Variants in HCN1 observed in about 807,000 individuals in gnomAD.
HCN1 encodes potassium/sodium hyperpolarization-activated cyclic nucleotide-gated channel 1.
Under a neutral mutation model 78.9 loss-of-function variants are expected in HCN1, and 13 were observed. That is an observed-to-expected ratio of 0.16 (90% CI 0.11 to 0.26). HCN1 has a LOEUF of 0.26. Among genes scored for constraint, HCN1 ranks in the 10% least tolerant of loss-of-function variants. The pLI, the probability that HCN1 is intolerant of heterozygous loss-of-function variation, is 1.00. For missense variants in HCN1, 810 were observed against 1,154.3 expected, an observed-to-expected ratio of 0.70 and a Z score of 4.32; for synonymous variants, 552 against 455.5, an observed-to-expected ratio of 1.21 and a Z score of -2.70.
At chr5:45,278,036 C>A (rs533653279) in intron 6 of HCN1, among the ~76,000 whole-genome samples, 1 of 152,106 alleles carries the variant, frequency 6.6e-6, no homozygotes, top group South Asian at 2.1e-4. Context: ...TTCCTGTGAT[C>A]CCTTACAGTG....
intron 5 of HCN1, among the ~76,000 whole-genome samples, chr5:45,347,485 G>A (rs958188642): frequency 6.6e-6 from 1 of 152,198 alleles, no homozygotes. Flanking sequence ...AACGCAGTTG[G>A]TCACCAGCAA....
chr5:45,661,125 A>C (rs1745927012), intron 1 of HCN1, among the ~76,000 whole-genome samples: 1 of 148,888 alleles, frequency 6.7e-6, no homozygotes. Context: ...CGGTGCAATC[A>C]AACTAGAACT....
chr5:45,412,779 T>C (rs1740048144), intron 3 of HCN1, among the ~76,000 whole-genome samples: 1 of 151,922 alleles, frequency 6.6e-6, no homozygotes, highest in Admixed American at 6.6e-5. Context: ...TGAGCACGGA[T>C]TGACAAAGGA....
chr5:45,659,648 G>A (rs1307971523), intron 1 of HCN1, among the ~76,000 whole-genome samples: 7 of 143,602 alleles, frequency 4.9e-5, no homozygotes, highest in East Asian at 2.1e-4. Flanking sequence ...CGAGAACTAC[G>A]TGAAGAATGC....
intron 6 of HCN1, among the ~76,000 whole-genome samples, chr5:45,291,987 T>C (rs1362625937): frequency 2.0e-5 from 3 of 152,108 alleles, no homozygotes; most frequent in Non-Finnish European, 4.4e-5. Flanking sequence ...CCATGAATGC[T>C]AGAATTTTAT....
intron 2 of HCN1, chr5:45,644,654 T>C (rs1161065910): frequency 6.5e-6 from 1 of 152,992 alleles, no homozygotes; most frequent in Non-Finnish European, 1.5e-5. Flanking sequence ...AGGCAAGGCA[T>C]AACAATAAGC....
chr5:45,531,566 C>T (rs1742851585), intron 2 of HCN1, among the ~76,000 whole-genome samples: 1 of 152,094 alleles, frequency 6.6e-6, no homozygotes, highest in Admixed American at 6.5e-5. Flanking sequence ...CCCCTACTTC[C>T]CTTCCCCTTT....
At chr5:45,530,874 C>T (rs1742829556) in intron 2 of HCN1, among the ~76,000 whole-genome samples, 2 of 151,968 alleles carry the variant, frequency 1.3e-5, no homozygotes, top group Admixed American at 6.6e-5. Context: ...CAGCTAATAA[C>T]AAGTCAACAA....
chr5:45,499,554 T>A (rs552702680), intron 2 of HCN1, among the ~76,000 whole-genome samples: 2 of 152,194 alleles, frequency 1.3e-5, no homozygotes, highest in African/African-American at 4.8e-5. Flanking sequence ...GTCTTCTGCG[T>A]CGCTTACGCT....
At chr5:45,274,845 A>G (rs1377570001) in intron 6 of HCN1, among the ~76,000 whole-genome samples, 1 of 152,182 alleles carries the variant, frequency 6.6e-6, no homozygotes, top group Non-Finnish European at 1.5e-5. Flanking sequence ...CTGTATCTTG[A>G]TCATCTTGCA....
intron 2 of HCN1, among the ~76,000 whole-genome samples, chr5:45,510,327 T>C (rs1742388764): frequency 6.6e-6 from 1 of 152,102 alleles, no homozygotes; most frequent in Non-Finnish European, 1.5e-5. Flanking sequence ...GAAACATGAA[T>C]GTGCGTATGA....
chr5:45,548,258 C>G (rs1466782388), intron 2 of HCN1, among the ~76,000 whole-genome samples: 1 of 150,770 alleles, frequency 6.6e-6, no homozygotes, highest in Non-Finnish European at 1.5e-5. Flanking sequence ...TTTTTTTCAC[C>G]AAGACTACAA....
At chr5:45,464,750 T>C (rs942923605) in intron 2 of HCN1, among the ~76,000 whole-genome samples, 2 of 152,144 alleles carry the variant, frequency 1.3e-5, no homozygotes, top group Admixed American at 6.6e-5. Flanking sequence ...ATAACTAAGA[T>C]ACTCTGGCAG....
At chr5:45,274,915 C>T (rs956758068) in intron 6 of HCN1, among the ~76,000 whole-genome samples, 1 of 152,114 alleles carries the variant, frequency 6.6e-6, no homozygotes, top group Non-Finnish European at 1.5e-5. Flanking sequence ...ACTATAAGGT[C>T]TTTAAAGGAA....
At chr5:45,493,217 C>T (rs1442563319) in intron 2 of HCN1, among the ~76,000 whole-genome samples, 2 of 151,832 alleles carry the variant, frequency 1.3e-5, no homozygotes, top group African/African-American at 4.8e-5. Context: ...AATTGAATGA[C>T]AAATCTGCAA....
intron 3 of HCN1, among the ~76,000 whole-genome samples, chr5:45,421,390 C>T (rs1209904381): frequency 6.6e-6 from 1 of 152,066 alleles, no homozygotes; most frequent in Non-Finnish European, 1.5e-5. Context: ...AACAAAAAAA[C>T]TAGAGATTGT....
intron 2 of HCN1, among the ~76,000 whole-genome samples, chr5:45,581,239 G>T (rs551323481): frequency 5.9e-5 from 9 of 152,298 alleles, no homozygotes; most frequent in East Asian, 1.9e-4. Context: ...TCTAACTGGT[G>T]TGAGATGGTA....
intron 2 of HCN1, among the ~76,000 whole-genome samples, chr5:45,533,836 G>A (rs1355645347): frequency 1.3e-5 from 2 of 152,110 alleles, no homozygotes. Context: ...ATTCCTAGTG[G>A]TGACATTGTC....
chr5:45,415,743 GT>G, intron 3 of HCN1, among the ~76,000 whole-genome samples: 1 of 152,132 alleles, frequency 6.6e-6, no homozygotes, highest in East Asian at 1.9e-4. Context: ...CATTTATCAT[GT>G]GATTGCTGTA....
Sources: gnomAD v4.1 joint callset for allele counts (sites outside exome capture counted in the v4.1 genomes callset) on GRCh38, gnomAD v4.1.1 for gene constraint, MANE v1.5 for transcripts, NCBI Gene and HGNC (gene_info 2026-07-23, HGNC 2026-07-21) for gene names.